Variants in FAXC observed in about 807,000 individuals in gnomAD.
FAXC encodes the protein failed axon connections homolog, metaxin like GST domain containing.
FAXC carries 10 observed loss-of-function variants against 41.9 expected under a neutral mutation model. The observed-to-expected ratio is 0.24, with a 90% CI of 0.15 to 0.41. FAXC has a LOEUF of 0.41. FAXC is among the 10% of genes least tolerant of loss of function. FAXC has a pLI of 1.00. For missense variants in FAXC, 399 were observed against 510.9 expected (o/e 0.78, Z 2.11); for synonymous variants, 183 against 183.8 (o/e 1.00, Z 0.03).
intron 4 of FAXC, chr6:99,309,917 A>C: frequency 1.0e-6 from 1 of 984,914 alleles, no homozygotes; most frequent in South Asian, 4.7e-5. Context: ...TGACATTAAC[A>C]AACCACCAAC....
chr6:99,289,614 T>C (rs221549), intron 5 of FAXC, among the ~76,000 whole-genome samples: 133,398 of 152,006 alleles, frequency 0.88, 58,975 homozygotes, highest in East Asian at 1. Flanking sequence ...CATAATCATG[T>C]CACTTCACTC....
In FAXC at chr6:99,291,765, A is replaced by G. The variant is rs942342802; in HGVS notation, c.879T>C (p.Phe293=). The G allele has an allele frequency of 5.6e-6, 9 of 1,614,062 alleles. No homozygotes were observed. The highest frequency in any genetic ancestry group is 7.6e-6 in the Non-Finnish European group (9 of 1,180,034). ...TCCACATTGCCTGTGCCAAGTGTCCAAAGACAGTGGCGTCAAGAGTGGAAA... is the reference window on the plus strand; with the variant it reads ...TCCACATTGCCTGTGCCAAGTGTCCGAAGACAGTGGCGTCAAGAGTGGAAA... ...PKLSTLDATV[F]GHLAQAMWTL... Residue 293 remains phenylalanine (F), a synonymous_variant, in exon 5 of 6, where the codon TTT becomes TTC. Transcript: ENST00000389677.
intron 4 of FAXC, among the ~76,000 whole-genome samples, chr6:99,298,182 A>G (rs532969408): frequency 6.6e-6 from 1 of 151,834 alleles, no homozygotes; most frequent in Admixed American, 6.6e-5. Flanking sequence ...GGGCTAGAGT[A>G]TATCATTGGT....
In FAXC at chr6:99,326,506, A is replaced by G. The variant is rs1254702509; in HGVS notation, c.600-2839T>C. Among the ~76,000 whole-genome samples, 3 of 152,182 alleles carry G rather than the reference A, an allele frequency of 2.0e-5. No homozygotes were observed. The East Asian group carries it at 5.8e-4, about 29-fold the overall frequency. On this transcript the variant is annotated intron_variant, in intron 3 of 5. Transcript: ENST00000389677. ...GATGAAAGATTGGTTAACCTGTAGC[A>G]TTTGAAGGTCCCATGGAACCCCTAA...
intron 4 of FAXC, among the ~76,000 whole-genome samples, chr6:99,294,770 A>T (rs1034282833): frequency 6.6e-6 from 1 of 152,216 alleles, no homozygotes; most frequent in South Asian, 2.1e-4. Context: ...ATATGAATAA[A>T]AATTTGGAAA....
At position 99,333,549 on chromosome 6, in the gene FAXC, T is replaced by C; in HGVS notation, c.403-2A>G. 2 of 1,587,074 alleles carry C rather than the reference T, an allele frequency of 1.3e-6. No homozygotes were observed. The highest frequency in any genetic ancestry group is 1.7e-6 in the Non-Finnish European group (2 of 1,169,930). ...AGAGAGTTTTCCACCAAAATAGTTC[T>C]AAGCAGAGTACATTTTTAAAAAGAG... On this transcript the variant is annotated splice_acceptor_variant, in intron 2 of 5. Transcript: ENST00000389677. LOFTEE classifies it high-confidence loss of function.
At position 99,345,175 on chromosome 6, in the gene FAXC, C is replaced by T. The variant is rs575541002; in HGVS notation, c.267-2142G>A. Among the ~76,000 whole-genome samples the T allele has an allele frequency of 2.4e-4, 36 of 152,240 alleles. 2 individuals are homozygous for T. In the South Asian group the frequency reaches 7.1e-3, roughly 30 times the overall value. ...AAGGTCACCAAAATGGGCAATTCCT[C>T]GGTTAATCGTATTAAAACTGCCAGT... is the stretch of plus-strand genomic sequence containing the variant. On this transcript the variant is annotated intron_variant, in intron 1 of 5. Transcript: ENST00000389677.
chr6:99,319,398 CAAAAA>C (rs57370118), intron 4 of FAXC, among the ~76,000 whole-genome samples: 2 of 47,648 alleles, frequency 4.2e-5, no homozygotes, highest in Admixed American at 2.1e-4. Context: ...GACTCCGTCT[CAAAAA>C]AAAAAAAAAA....
intron 4 of FAXC, among the ~76,000 whole-genome samples, chr6:99,293,691 T>C: frequency 7.2e-6 from 1 of 138,980 alleles, no homozygotes; most frequent in African/African-American, 2.6e-5. Context: ...TGTGTGTGTG[T>C]GTGTGTGTGT....
intron 2 of FAXC, among the ~76,000 whole-genome samples, chr6:99,339,554 C>CA (rs1773341219): frequency 6.6e-6 from 1 of 151,922 alleles, no homozygotes. Context: ...TGGGACAGAC[C>CA]AAAAAATTTA....
At chr6:99,349,976 C>T (rs964180570), upstream of FAXC, 20 of 152,222 alleles carry the variant, frequency 1.3e-4, no homozygotes, top group African/African-American at 4.8e-4. Flanking sequence ...CGCTCCAGCC[C>T]CTCCCGCGGG....
chr6:99,279,614 A>T lies in FAXC; in HGVS notation c.*1550T>A, dbSNP rs1038241363. On this transcript the variant is annotated 3_prime_UTR_variant, in exon 6 of 6. Coordinates refer to ENST00000389677, the MANE Select transcript of FAXC (RefSeq NM_032511.4). ...GTAAATCTTGGCTCTCCTAGCCCAA[A>T]TCTCACAGCCATCACCCAGGATCTC... 3.0e-4 allele frequency: 46 copies of T among 152,132 alleles called. 1 individual carries two copies. Among genetic ancestry groups the T allele is most frequent in the African/African-American group, 1.0e-3 (43 of 41,436 alleles). The allele number at this position is 152,132 out of a possible 1,614,324, so 9.4% of individuals were successfully genotyped here.
chr6:99,309,894 T>C, intron 4 of FAXC: 1 of 984,832 alleles, frequency 1.0e-6, no homozygotes, highest in South Asian at 4.7e-5. Flanking sequence ...CAAATTATTA[T>C]TCTTCTGGCA....
intron 1 of FAXC, among the ~76,000 whole-genome samples, chr6:99,347,623 G>A (rs1300523857): frequency 2.0e-5 from 3 of 152,210 alleles, no homozygotes; most frequent in Non-Finnish European, 4.4e-5. Flanking sequence ...GGTCATTTAA[G>A]CTTTGTTTTA....
Position 99,349,416 on chromosome 6 carries a change from C to G in FAXC, c.-44G>C, listed in dbSNP as rs200234006. On this transcript the variant is annotated 5_prime_UTR_variant, in exon 1 of 6. Coordinates refer to ENST00000389677, the MANE Select transcript of FAXC (RefSeq NM_032511.4). ...GGCGCCCCTCCCAGGGCCCGCGCCG[C>G]CCGCATGGGAAGGGGCCGGCGCGGC... 404 of 1,502,186 alleles carry G rather than the reference C, an allele frequency of 2.7e-4. No individual in the cohort carries two copies. Among genetic ancestry groups the G allele is most frequent in the Non-Finnish European group, 3.2e-4 (366 of 1,130,112 alleles). 93.1% of individuals were successfully genotyped at this position (1,502,186 alleles called of 1,614,324 possible). A position where few individuals can be genotyped will look rare whatever the true frequency, so the allele number is the denominator to read the frequency against.
chr6:99,309,930 A>G, intron 4 of FAXC: 9 of 984,102 alleles, frequency 9.1e-6, no homozygotes, highest in Non-Finnish European at 1.1e-5. Context: ...CCACCAACGT[A>G]AACACACAGA....
At chr6:99,305,586 C>T (rs1351480543) in intron 4 of FAXC, among the ~76,000 whole-genome samples, 1 of 151,850 alleles carries the variant, frequency 6.6e-6, no homozygotes, top group African/African-American at 2.4e-5. Context: ...TTAATGAGAA[C>T]AATTTCTACC....
intron 5 of FAXC, among the ~76,000 whole-genome samples, chr6:99,286,310 T>C (rs142780640): frequency 1.4e-3 from 215 of 152,250 alleles, no homozygotes; most frequent in African/African-American, 5.0e-3. Context: ...GATCTCCAAA[T>C]ACAAAAACAG....
At chr6:99,317,729 T>C (rs1772417721) in intron 4 of FAXC, among the ~76,000 whole-genome samples, 1 of 152,220 alleles carries the variant, frequency 6.6e-6, no homozygotes, top group South Asian at 2.1e-4. Context: ...TCATATTTTG[T>C]ATCTCATGGC....
Sources: gnomAD v4.1 joint callset for allele counts (sites outside exome capture counted in the v4.1 genomes callset) on GRCh38, gnomAD v4.1.1 for gene constraint, MANE v1.5 for transcripts, NCBI Gene and HGNC (gene_info 2026-07-23, HGNC 2026-07-21) for gene names.